CDKL4: variants seen among roughly 807,000 people sequenced by gnomAD.
CDKL4 encodes cyclin dependent kinase like 4.
Under a neutral mutation model 42.0 loss-of-function variants are expected in CDKL4, and 44 were observed. The observed-to-expected ratio is 1.05, with a 90% CI of 0.82 to 1.35. The LOEUF is 1.35. Among genes scored for constraint, CDKL4 ranks in the 40% most tolerant of loss-of-function variants. The probability of loss-of-function intolerance (pLI) is 0.00; values close to 1 mark genes in which losing one functional copy is unlikely to be tolerated. For missense variants in CDKL4, 393 were observed against 369.9 expected, an observed-to-expected ratio of 1.06 and a Z score of -0.51; for synonymous variants, 120 against 121.6, an observed-to-expected ratio of 0.99 and a Z score of 0.09.
chr2:39,229,283 T>C (rs1678948497), intron 2 of CDKL4, 82 bp downstream of exon 2: 6 of 1,041,310 alleles, frequency 5.8e-6, no homozygotes, highest in Non-Finnish European at 8.1e-6. Context: ...GGGGGGAAAA[T>C]AACTTTAAAA....
chr2:39,240,712 G>A (rs1007083209), intron 1 of CDKL4, among the ~76,000 whole-genome samples: 6 of 147,040 alleles, frequency 4.1e-5, no homozygotes, highest in Admixed American at 3.4e-4. Flanking sequence ...AGAACCACAT[G>A]CCCCAAAACA....
At chr2:39,193,356 AATTATTATT>A (rs79269841) in intron 5 of CDKL4, among the ~76,000 whole-genome samples, 7 of 147,992 alleles carry the variant, frequency 4.7e-5, no homozygotes, top group Non-Finnish European at 8.9e-5. Flanking sequence ...TCATTTATAA[AATTATTATT>A]ATTATTATTA....
At chr2:39,185,045 A>G (rs767764481) in intron 7 of CDKL4, among the ~76,000 whole-genome samples, 2 of 149,650 alleles carry the variant, frequency 1.3e-5, no homozygotes, top group African/African-American at 2.5e-5. Flanking sequence ...TATATTTTGA[A>G]TATATTAGTA....
chr2:39,187,680 AGATT>A lies in CDKL4; in HGVS notation c.678_681del (p.Ile227LeufsTer33). ...CCATGGAAAAACCCGTTACTTTTAA[AGATT>A]GATTGATGTCTTGGGATTAATTTTC... On this transcript the variant is annotated frameshift_variant, in exon 7 of 10. Transcript: ENST00000451199. LOFTEE classifies it high-confidence loss of function. The A allele has an allele frequency of 1.9e-6, 3 of 1,612,770 alleles. No individual in the cohort carries two copies. The highest frequency in any genetic ancestry group is 2.2e-5 in the East Asian group (1 of 44,876).
intron 6 of CDKL4, among the ~76,000 whole-genome samples, chr2:39,188,382 G>A (rs1276032189): frequency 6.6e-6 from 1 of 151,726 alleles, no homozygotes; most frequent in East Asian, 2.0e-4. Flanking sequence ...CCAACATGGT[G>A]AAACCCCGTC....
chr2:39,234,537 A>C (rs1679256933), intron 1 of CDKL4, among the ~76,000 whole-genome samples: 1 of 152,210 alleles, frequency 6.6e-6, no homozygotes, highest in Non-Finnish European at 1.5e-5. Flanking sequence ...ATGAAACAGA[A>C]TCAATAGTTG....
At chr2:39,181,335 C>T (rs1675428012) in intron 8 of CDKL4, among the ~76,000 whole-genome samples, 1 of 152,176 alleles carries the variant, frequency 6.6e-6, no homozygotes, top group African/African-American at 2.4e-5. Context: ...AGGCCAAATC[C>T]TAGCCACCCC....
intron 1 of CDKL4, among the ~76,000 whole-genome samples, chr2:39,239,085 C>A (rs1052999186): frequency 6.6e-6 from 1 of 152,082 alleles, no homozygotes; most frequent in Non-Finnish European, 1.5e-5. Context: ...TGCAGCAATT[C>A]GACAAGGAAA....
chr2:39,240,510 A>T (rs535376050), intron 1 of CDKL4, among the ~76,000 whole-genome samples: 6 of 152,134 alleles, frequency 3.9e-5, no homozygotes, highest in Non-Finnish European at 7.4e-5. Flanking sequence ...TAACAATGAC[A>T]TGTAAGCAAA....
chr2:39,185,404 G>GTATATATATATATATA (rs1558547512), intron 7 of CDKL4, among the ~76,000 whole-genome samples: 1 of 3,660 alleles, frequency 2.7e-4, no homozygotes, highest in Non-Finnish European at 1.4e-3. Context: ...ATATACATAT[G>GTATATATATATATATA]TGTATATATA....
intron 3 of CDKL4, among the ~76,000 whole-genome samples, chr2:39,214,660 CT>C (rs1572997051): frequency 6.6e-6 from 1 of 152,288 alleles, no homozygotes; most frequent in East Asian, 1.9e-4. Flanking sequence ...AGACCGGAGA[CT>C]TGGTTTTGCA....
chr2:39,243,936 C>T (rs1679794553), exon 1 of CDKL4, among the ~76,000 whole-genome samples: 1 of 152,190 alleles, frequency 6.6e-6, no homozygotes, highest in Non-Finnish European at 1.5e-5. Context: ...CCAGCTCCCG[C>T]GCGTGTCGCT....
chr2:39,213,527 C>G, intron 3 of CDKL4, 55 bp from the exon 4 acceptor site: 1 of 1,242,192 alleles, frequency 8.1e-7, no homozygotes, highest in South Asian at 1.2e-5. Flanking sequence ...GTTCCAGAAG[C>G]AAGGGCTGGG....
upstream of CDKL4, among the ~76,000 whole-genome samples, chr2:39,244,221 T>C (rs1027511713): frequency 6.6e-6 from 1 of 152,220 alleles, no homozygotes; most frequent in Admixed American, 6.5e-5. Flanking sequence ...GGAGCCCCTT[T>C]CTGGGCTGGC....
exon 3 of CDKL4, chr2:39,225,883 G>A (rs1168201244): frequency 1.9e-6 from 3 of 1,611,536 alleles, no homozygotes; most frequent in Non-Finnish European, 8.5e-7. Context: ...TATGATCACA[G>A]TATTCAAAAA....
chr2:39,213,353 G>T lies in CDKL4; in HGVS notation c.363+47C>A, dbSNP rs181681914. 4.2e-6 allele frequency: 5 copies of T among 1,187,220 alleles called. No individual in the cohort carries two copies. The East Asian group carries it at 1.2e-4, about 28-fold the overall frequency. The allele number at this position is 1,187,220 out of a possible 1,614,324, so 73.5% of individuals were successfully genotyped here. A position where few individuals can be genotyped will look rare whatever the true frequency, so the allele number is the denominator to read the frequency against. ...AAACCCTGAGCTATTTAGAAGAAAA[G>T]AGTCATCATGAAGAAATGAATAAAT... On this transcript the variant is annotated intron_variant, in intron 4 of 9. Transcript: ENST00000451199.
chr2:39,218,068 A>G (rs1247455291), intron 3 of CDKL4, among the ~76,000 whole-genome samples: 1 of 152,150 alleles, frequency 6.6e-6, no homozygotes, highest in East Asian at 1.9e-4. Flanking sequence ...CAGGCTGTTA[A>G]TAACATTTTA....
At chr2:39,175,747 A>C in exon 10 of CDKL4, 1 of 234,788 alleles carries the variant, frequency 4.3e-6, no homozygotes, top group Non-Finnish European at 8.6e-6. Flanking sequence ...GGCTGCTCTG[A>C]TGAAATTGAA....
intron 8 of CDKL4, among the ~76,000 whole-genome samples, 163 bp downstream of exon 8, chr2:39,184,428 C>A (rs906322778): frequency 6.6e-6 from 1 of 152,152 alleles, no homozygotes; most frequent in East Asian, 1.9e-4. Flanking sequence ...CTGCTTAAAC[C>A]AATGATGTCC....
Sources: gnomAD v4.1 joint callset for allele counts (sites outside exome capture counted in the v4.1 genomes callset) on GRCh38, gnomAD v4.1.1 for gene constraint, MANE v1.5 for transcripts, NCBI Gene and HGNC (gene_info 2026-07-23, HGNC 2026-07-21) for gene names.